Variants in SHANK2 observed in about 807,000 individuals in gnomAD.
SHANK2 encodes the protein SH3 and multiple ankyrin repeat domains protein 2.
Under a neutral mutation model 133.7 loss-of-function variants are expected in SHANK2, and 43 were observed. The observed-to-expected ratio is 0.32, with a 90% confidence interval of 0.25 to 0.41. SHANK2 has a LOEUF of 0.41. Among genes scored for constraint, SHANK2 ranks in the 10% least tolerant of loss-of-function variants. SHANK2 has a pLI of 1.00. For missense variants in SHANK2, 1,994 were observed against 2,235.8 expected (o/e 0.89, Z 2.18); for synonymous variants, 1,017 against 952.8 (o/e 1.07, Z -1.24).
intron 17 of SHANK2, among the ~76,000 whole-genome samples, chr11:70,635,940 G>A (rs1555003846): frequency 1.3e-5 from 2 of 152,216 alleles, no homozygotes; most frequent in African/African-American, 4.8e-5. Flanking sequence ...CATGAGGCCC[G>A]CCCCTTTCTC....
At chr11:70,497,003 TAAC>T (rs1555157282) in intron 21 of SHANK2, 1 of 456,698 alleles carries the variant, frequency 2.2e-6, no homozygotes, top group Non-Finnish European at 4.4e-6. Context: ...CCCTTCCTAA[TAAC>T]CCCAAAACAA....
At chr11:70,680,403 G>T (rs1337447117) in intron 15 of SHANK2, among the ~76,000 whole-genome samples, 1 of 152,008 alleles carries the variant, frequency 6.6e-6, no homozygotes, top group African/African-American at 2.4e-5. Context: ...CCAGAGGAGG[G>T]GCTGCTTGTG....
chr11:70,770,831 G>A (rs1555042562), intron 14 of SHANK2, among the ~76,000 whole-genome samples: 1 of 151,338 alleles, frequency 6.6e-6, no homozygotes, highest in Non-Finnish European at 1.5e-5. Flanking sequence ...AAGTTAACAG[G>A]CACAGTTAAT....
At chr11:70,639,468 A>C (rs1384304808) in intron 17 of SHANK2, among the ~76,000 whole-genome samples, 1 of 152,082 alleles carries the variant, frequency 6.6e-6, no homozygotes, top group Admixed American at 6.5e-5. Flanking sequence ...CCTCCTCATG[A>C]GGGACCCACC....
intron 14 of SHANK2, among the ~76,000 whole-genome samples, chr11:70,775,425 C>T: frequency 6.6e-6 from 1 of 152,178 alleles, no homozygotes; most frequent in Non-Finnish European, 1.5e-5. Context: ...CATTGTACTC[C>T]AGCCTGGGTG....
intron 14 of SHANK2, among the ~76,000 whole-genome samples, chr11:70,728,911 G>C (rs1946226658): frequency 6.6e-6 from 1 of 152,172 alleles, no homozygotes; most frequent in Non-Finnish European, 1.5e-5. Flanking sequence ...TGGCACCTGA[G>C]AAGGAATGAA....
intron 12 of SHANK2, among the ~76,000 whole-genome samples, chr11:70,814,776 C>T (rs2135311947): frequency 6.6e-6 from 1 of 152,350 alleles, no homozygotes; most frequent in Non-Finnish European, 1.5e-5. Flanking sequence ...ATGAGTCCTT[C>T]TTTCCTGCTG....
intron 1 of SHANK2, among the ~76,000 whole-genome samples, chr11:71,229,765 G>GAAAAAAAAAA (rs55730780): frequency 3.1e-4 from 36 of 116,510 alleles, no homozygotes; most frequent in East Asian, 7.3e-4. Flanking sequence ...TCTCAAAAAA[G>GAAAAAAAAAA]AAAAAAAAAA....
intron 17 of SHANK2, among the ~76,000 whole-genome samples, chr11:70,551,422 A>T (rs1365047185): frequency 2.0e-5 from 3 of 151,420 alleles, no homozygotes; most frequent in African/African-American, 7.3e-5. Context: ...CAGAATTCTC[A>T]AAACATTCCT....
At chr11:71,224,350 G>A (rs1016141359) in intron 2 of SHANK2, among the ~76,000 whole-genome samples, 5 of 151,348 alleles carry the variant, frequency 3.3e-5, no homozygotes, top group Non-Finnish European at 5.9e-5. Flanking sequence ...GCGCACCCCC[G>A]TTCATGTGAA....
In SHANK2 at chr11:70,596,030, G is replaced by A. The variant is rs115369169; in HGVS notation, c.2061+63798C>T. ...CACGCCAAGGCATCAGGGGCACCTCGCCAGGATACGGGAAAGGCAAGAAGG... is the reference window on the plus strand; with the variant it reads ...CACGCCAAGGCATCAGGGGCACCTCACCAGGATACGGGAAAGGCAAGAAGG... On this transcript the variant is annotated intron_variant, in intron 17 of 25. Transcript: ENST00000601538. Among the ~76,000 whole-genome samples the A allele has an allele frequency of 6.1e-3, 929 of 152,250 alleles. 8 individuals are homozygous for A. The highest frequency in any genetic ancestry group is 0.021 in the African/African-American group (857 of 41,544).
At chr11:70,673,531 G>A (rs1222203777) in intron 15 of SHANK2, among the ~76,000 whole-genome samples, 2 of 152,214 alleles carry the variant, frequency 1.3e-5, no homozygotes, top group East Asian at 3.9e-4. Flanking sequence ...GGGAGTAGAT[G>A]GCCCCACAGC....
chr11:70,805,228 T>A (rs1356382676), intron 13 of SHANK2, among the ~76,000 whole-genome samples: 1 of 151,990 alleles, frequency 6.6e-6, no homozygotes, highest in African/African-American at 2.4e-5. Context: ...GAGGAGCAGC[T>A]CCCACCCTCC....
At chr11:70,649,458 G>A (rs765750714) in intron 17 of SHANK2, among the ~76,000 whole-genome samples, 1 of 152,158 alleles carries the variant, frequency 6.6e-6, no homozygotes, top group African/African-American at 2.4e-5. Flanking sequence ...TCCCAGGGCT[G>A]ACAAACTCCA....
At chr11:71,162,352 A>T (rs1953038312) in intron 2 of SHANK2, among the ~76,000 whole-genome samples, 1 of 152,164 alleles carries the variant, frequency 6.6e-6, no homozygotes. Flanking sequence ...CTTCTATTGA[A>T]GCCATAAGTC....
At chr11:70,875,692 C>CA (rs1949549310) in intron 11 of SHANK2, among the ~76,000 whole-genome samples, 1 of 151,944 alleles carries the variant, frequency 6.6e-6, no homozygotes. Context: ...CCCGTCTCTA[C>CA]AAAAATATAA....
intron 9 of SHANK2, among the ~76,000 whole-genome samples, chr11:71,074,773 A>ATTTT (rs36140840): frequency 1.6e-4 from 15 of 92,518 alleles, no homozygotes; most frequent in African/African-American, 2.3e-4. Context: ...ACCTAAGCCA[A>ATTTT]TTTTTTTTTT....
chr11:71,210,221 TA>T (rs1954230952), intron 2 of SHANK2, among the ~76,000 whole-genome samples: 1 of 61,958 alleles, frequency 1.6e-5, no homozygotes, highest in Admixed American at 1.8e-4. Context: ...TATATATATA[TA>T]TATATATATA....
chr11:70,852,233 T>C (rs1949097286), intron 11 of SHANK2, among the ~76,000 whole-genome samples: 1 of 152,184 alleles, frequency 6.6e-6, no homozygotes, highest in African/African-American at 2.4e-5. Flanking sequence ...CAGTGCCAGA[T>C]TGTACAGACC....
Sources: gnomAD v4.1 joint callset for allele counts (sites outside exome capture counted in the v4.1 genomes callset) on GRCh38, gnomAD v4.1.1 for gene constraint, MANE v1.5 for transcripts, NCBI Gene and HGNC (gene_info 2026-07-23, HGNC 2026-07-21) for gene names.